Variants in KAT2B observed in about 807,000 individuals in gnomAD.
The protein encoded by KAT2B is lysine acetyltransferase 2B.
A neutral mutation model predicts 105.9 loss-of-function variants in KAT2B; 36 were observed. The observed-to-expected ratio is 0.34, with a 90% CI of 0.26 to 0.45. The LOEUF (loss-of-function observed/expected upper bound fraction) is 0.45, where lower values mean the gene tolerates loss of function less well. Ranked by LOEUF, KAT2B falls within the 20% of genes least tolerant of loss-of-function variation. KAT2B has a pLI of 1.00. For missense variants in KAT2B, 820 were observed against 1,021.6 expected, an observed-to-expected ratio of 0.80 and a Z score of 2.69; for synonymous variants, 397 against 377.9, an observed-to-expected ratio of 1.05 and a Z score of -0.59.
At chr3:20,131,366 T>C (rs1033977574) in intron 11 of KAT2B, among the ~76,000 whole-genome samples, 6 of 151,966 alleles carry the variant, frequency 3.9e-5, no homozygotes, top group African/African-American at 1.5e-4. Flanking sequence ...ATGAACAACT[T>C]TTGAGACATC....
rs1698787831 is a variant in KAT2B, at chr3:20,095,194, C to T, written c.431-69C>T. ...GTAAGACTGATGAAAGAGGACCTTC[C>T]ACTTAAAAATGGGGAATGTTTGGTT... is the stretch of plus-strand genomic sequence containing the variant. On this transcript the variant is annotated intron_variant, in intron 2 of 17. Transcript: ENST00000263754. 23 of 1,290,900 alleles carry T rather than the reference C, an allele frequency of 1.8e-5. No homozygotes were observed. The South Asian group carries it at 2.6e-4, about 15-fold the overall frequency. 80.0% of individuals were successfully genotyped at this position (1,290,900 alleles called of 1,614,324 possible). A position where few individuals can be genotyped will look rare whatever the true frequency, so the allele number is the denominator to read the frequency against.
intron 13 of KAT2B, among the ~76,000 whole-genome samples, chr3:20,142,756 G>T (rs559866912): frequency 7.1e-6 from 1 of 141,628 alleles, no homozygotes; most frequent in Admixed American, 6.9e-5. Context: ...ATTAGCAGAG[G>T]CTCAGAGTCC....
In KAT2B at chr3:20,049,022, C is replaced by T. The variant is rs185541877; in HGVS notation, c.303+8242C>T. Among the ~76,000 whole-genome samples the T allele has an allele frequency of 5.7e-3, 862 of 152,178 alleles. 14 individuals are homozygous for T. Among genetic ancestry groups the T allele is most frequent in the African/African-American group, 0.019 (804 of 41,498 alleles). ...GACTACAGGCCCCCGCCACCACGCCCGGCTAATTTTTGTATTTTTAGTAGA... is the reference window on the plus strand; with the variant it reads ...GACTACAGGCCCCCGCCACCACGCCTGGCTAATTTTTGTATTTTTAGTAGA... On this transcript the variant is annotated intron_variant, in intron 1 of 17. Transcript: ENST00000263754.
intron 5 of KAT2B, among the ~76,000 whole-genome samples, chr3:20,101,959 T>C (rs185394712): frequency 2.0e-5 from 3 of 152,286 alleles, no homozygotes; most frequent in African/African-American, 7.2e-5. Context: ...ATAGCTACAC[T>C]ATAACTCTGA....
intron 13 of KAT2B, among the ~76,000 whole-genome samples, chr3:20,142,924 C>A (rs1699719431): frequency 7.1e-6 from 1 of 139,966 alleles, no homozygotes; most frequent in Non-Finnish European, 1.7e-5. Context: ...TACCTATGTA[C>A]ATGTATGTGT....
intron 1 of KAT2B, among the ~76,000 whole-genome samples, chr3:20,058,437 G>A (rs1379821204): frequency 1.5e-5 from 2 of 131,808 alleles, no homozygotes; most frequent in Non-Finnish European, 3.1e-5. Flanking sequence ...CCTGGGCAAC[G>A]AGCGAGACTC....
At chr3:20,151,927 TAATTA>T (rs1436134623) in intron 17 of KAT2B, among the ~76,000 whole-genome samples, 1 of 152,138 alleles carries the variant, frequency 6.6e-6, no homozygotes, top group East Asian at 1.9e-4. Context: ...TTGTTTTAAG[TAATTA>T]AATGATTGAA....
Position 20,087,590 on chromosome 3 carries a change from C to T in KAT2B, c.431-7673C>T, listed in dbSNP as rs548316769. On this transcript the variant is annotated intron_variant, in intron 2 of 17. Transcript: ENST00000263754. ...ATTATTATTAATGATAGTCACCATG[C>T]CACACAATTGATCTCCAGAACTTCT... 2.0e-5 allele frequency among the ~76,000 whole-genome samples: 3 copies of T among 152,172 alleles called. No individual in the cohort carries two copies. The South Asian group carries it at 6.2e-4, about 32-fold the overall frequency.
intron 7 of KAT2B, among the ~76,000 whole-genome samples, chr3:20,119,049 G>T (rs1575144589): frequency 6.6e-6 from 1 of 151,920 alleles, no homozygotes; most frequent in Non-Finnish European, 1.5e-5. Flanking sequence ...ATGTTGGCTT[G>T]TCCCATCATT....
At chr3:20,087,281 A>T (rs757222683) in intron 2 of KAT2B, among the ~76,000 whole-genome samples, 8 of 152,218 alleles carry the variant, frequency 5.3e-5, no homozygotes, top group Non-Finnish European at 8.8e-5. Flanking sequence ...ATCACTGTAT[A>T]TTAAATGTAT....
At chr3:20,103,450 C>A (rs1698944354) in intron 5 of KAT2B, among the ~76,000 whole-genome samples, 1 of 151,974 alleles carries the variant, frequency 6.6e-6, no homozygotes, top group Admixed American at 6.6e-5. Flanking sequence ...TATTCTGTAT[C>A]CTGGGCTGGA....
intron 2 of KAT2B, among the ~76,000 whole-genome samples, chr3:20,084,600 C>CA (rs372719303): frequency 3.8e-4 from 57 of 150,148 alleles, no homozygotes; most frequent in South Asian, 1.5e-3. Flanking sequence ...TTAATAAATG[C>CA]AAAAAAAAAT....
intron 5 of KAT2B, among the ~76,000 whole-genome samples, chr3:20,106,979 GTATATA>G (rs869172127): frequency 0.11 from 3,731 of 33,368 alleles, 206 homozygotes; most frequent in Non-Finnish European, 0.15. Flanking sequence ...ATATATATAT[GTATATA>G]TATATATATA....
intron 2 of KAT2B, among the ~76,000 whole-genome samples, chr3:20,089,163 A>G (rs1201197636): frequency 1.3e-5 from 2 of 152,132 alleles, no homozygotes; most frequent in African/African-American, 2.4e-5. Flanking sequence ...GTGTAGTGTG[A>G]TGACTCTGCC....
chr3:20,041,745 C>A (rs1207755463), intron 1 of KAT2B, among the ~76,000 whole-genome samples: 1 of 152,196 alleles, frequency 6.6e-6, no homozygotes, highest in African/African-American at 2.4e-5. Context: ...GACACACTCA[C>A]ACACACTCAC....
At chr3:20,106,235 T>G (rs1699000141) in intron 5 of KAT2B, among the ~76,000 whole-genome samples, 1 of 152,218 alleles carries the variant, frequency 6.6e-6, no homozygotes, top group Non-Finnish European at 1.5e-5. Flanking sequence ...AGCATGCAAA[T>G]ACCATCTTTA....
chr3:20,090,694 T>G (rs1698701109), intron 2 of KAT2B, among the ~76,000 whole-genome samples: 1 of 152,164 alleles, frequency 6.6e-6, no homozygotes, highest in Non-Finnish European at 1.5e-5. Context: ...ATTAGTATAA[T>G]GCTGACCTTG....
intron 8 of KAT2B, 96 bp downstream of exon 8, chr3:20,119,819 T>G (rs1319790370): frequency 7.5e-7 from 1 of 1,336,532 alleles, no homozygotes; most frequent in Non-Finnish European, 1.0e-6. Flanking sequence ...CAAGTACAGA[T>G]TGTGCATGTC....
intron 2 of KAT2B, among the ~76,000 whole-genome samples, chr3:20,077,459 TG>T (rs1698439032): frequency 6.6e-6 from 1 of 152,236 alleles, no homozygotes; most frequent in Admixed American, 6.5e-5. Flanking sequence ...TCTAGACCTA[TG>T]CTGTACAATA....
Sources: allele counts gnomAD v4.1 joint callset (sites outside exome capture counted in the v4.1 genomes callset), GRCh38; gene constraint gnomAD v4.1.1; transcripts MANE v1.5; gene names NCBI Gene and HGNC (gene_info 2026-07-23, HGNC 2026-07-21).